The following MARK3 variants were observed in gnomAD, a reference collection of about 807,000 sequenced individuals.
The protein encoded by MARK3 is microtubule affinity regulating kinase 3.
MARK3 carries 46 observed loss-of-function variants against 90.1 expected under a neutral mutation model. That is an observed-to-expected ratio of 0.51 (90% CI 0.40 to 0.65). MARK3 has a LOEUF of 0.65. MARK3 is among the 30% of genes least tolerant of loss of function. The pLI, the probability that MARK3 is intolerant of heterozygous loss-of-function variation, is 0.00. For synonymous variants in MARK3, 321 were observed against 332.6 expected (o/e 0.97, Z 0.38); for missense variants, 818 against 947.2 (o/e 0.86, Z 1.79).
At chr14:103,474,044 A>T (rs576963813) in intron 12 of MARK3, among the ~76,000 whole-genome samples, 23 of 130,818 alleles carry the variant, frequency 1.8e-4, no homozygotes, top group African/African-American at 6.2e-4. Flanking sequence ...AAAAAAAAAA[A>T]ATATATACAA....
Position 103,462,300 on chromosome 14 carries a change from G to A in MARK3, c.484-105G>A, listed in dbSNP as rs1004291824. The A allele has an allele frequency of 4.6e-5, 32 of 701,422 alleles. No individual in the cohort carries two copies. In the Middle Eastern group the frequency reaches 1.2e-3, roughly 27 times the overall value. 43.4% of individuals were successfully genotyped at this position (701,422 alleles called of 1,614,324 possible). A position where few individuals can be genotyped will look rare whatever the true frequency, so the allele number is the denominator to read the frequency against. ...TTTTTAGAAATCCACACGGACATTC[G>A]AGCGTATACTGAGTATTCATTATGT... On this transcript the variant is annotated intron_variant, in intron 6 of 17. Coordinates refer to ENST00000429436, the MANE Select transcript of MARK3 (RefSeq NM_001128918.3).
At chr14:103,412,059 A>G in intron 2 of MARK3, 1 of 409,190 alleles carries the variant, frequency 2.4e-6, no homozygotes, top group Non-Finnish European at 4.1e-6. Context: ...TCATGGGATT[A>G]GTTGGTTTTT....
intron 3 of MARK3, among the ~76,000 whole-genome samples, 174 bp downstream of exon 3, chr14:103,428,614 T>C (rs1409490040): frequency 6.6e-6 from 1 of 152,212 alleles, no homozygotes; most frequent in Non-Finnish European, 1.5e-5. Context: ...GGGTTATCTT[T>C]GGTCGGAGAT....
Position 103,503,121 on chromosome 14 carries a change from A to G in MARK3, c.2156A>G (p.Lys719Arg). The G allele has an allele frequency of 6.2e-7, 1 of 1,614,226 alleles. No homozygotes were observed. Among genetic ancestry groups the G allele is most frequent in the Non-Finnish European group, 8.5e-7 (1 of 1,180,046 alleles). The change falls in exon 18 of 18, where the codon AAG (lysine) becomes AGG (arginine). Residue 719 changes from lysine (K) to arginine (R), a missense_variant. By Grantham distance (26) the Lys-to-Arg change is conservative. Transcript: ENST00000429436. ...GTGCAGTGGGAAATGGAAGTGTGCA[A>G]GCTGCCAAGACTGTCTCTGAACGGG... is the stretch of plus-strand genomic sequence containing the variant. ...NLVQWEMEVC[K>R]LPRLSLNGVR... is the part of the protein sequence containing the mutation.
chr14:103,404,633 G>A (rs976405276), intron 1 of MARK3, among the ~76,000 whole-genome samples: 4 of 152,070 alleles, frequency 2.6e-5, no homozygotes, highest in Non-Finnish European at 5.9e-5. Flanking sequence ...GAAGGAAATC[G>A]GGAATCCAGA....
intron 1 of MARK3, among the ~76,000 whole-genome samples, chr14:103,394,843 C>T (rs1331196719): frequency 6.6e-6 from 1 of 152,110 alleles, no homozygotes; most frequent in East Asian, 1.9e-4. Context: ...AGTGCAGTGG[C>T]ATGATCTTGG....
chr14:103,472,656 A>C (rs566519832), intron 12 of MARK3, among the ~76,000 whole-genome samples: 1 of 151,366 alleles, frequency 6.6e-6, no homozygotes, highest in African/African-American at 2.4e-5. Flanking sequence ...TCAAAAAAAA[A>C]AAAAAAAAAA....
At chr14:103,426,783 G>T (rs2092417103) in intron 2 of MARK3, among the ~76,000 whole-genome samples, 1 of 152,070 alleles carries the variant, frequency 6.6e-6, no homozygotes, top group Admixed American at 6.6e-5. Context: ...AACAAAGGCT[G>T]CTAGGTGACC....
At chr14:103,422,573 T>C (rs1222169888) in intron 2 of MARK3, among the ~76,000 whole-genome samples, 20 of 152,108 alleles carry the variant, frequency 1.3e-4, no homozygotes, top group Non-Finnish European at 2.8e-4. Context: ...GCAAAAAATA[T>C]ACTGTGACCC....
intron 2 of MARK3, among the ~76,000 whole-genome samples, chr14:103,419,473 C>T (rs2092113780): frequency 6.6e-6 from 1 of 152,062 alleles, no homozygotes; most frequent in Non-Finnish European, 1.5e-5. Context: ...TGAAAAACAA[C>T]TATTTTCCAA....
chr14:103,463,393 A>G (rs1242181390), intron 7 of MARK3, among the ~76,000 whole-genome samples: 1 of 152,086 alleles, frequency 6.6e-6, no homozygotes, highest in Non-Finnish European at 1.5e-5. Flanking sequence ...CCCCAAATCC[A>G]TTCCTACGGC....
Position 103,451,992 on chromosome 14 carries a change from A to C in MARK3, c.412+9A>C, listed in dbSNP as rs1566867976. Reference sequence around the variant, plus strand: ...GGAATATGCAAGTGGAGGTAAGAACATTTTTATATATATTGGGTTTTTTTT... The same window carrying C: ...GGAATATGCAAGTGGAGGTAAGAACCTTTTTATATATATTGGGTTTTTTTT... On this transcript the variant is annotated intron_variant, in intron 5 of 17. Coordinates refer to ENST00000429436, the MANE Select transcript of MARK3 (RefSeq NM_001128918.3). 6.3e-7 allele frequency: 1 copy of C among 1,582,454 alleles called. No homozygotes were observed. Among genetic ancestry groups the C allele is most frequent in the South Asian group, 1.1e-5 (1 of 89,406 alleles).
chr14:103,484,743 C>T (rs1006605382), intron 14 of MARK3, among the ~76,000 whole-genome samples: 3 of 136,522 alleles, frequency 2.2e-5, no homozygotes, highest in African/African-American at 8.2e-5. Flanking sequence ...CCATCCTGAC[C>T]AACATGGTGA....
At chr14:103,436,497 A>T (rs1296338795) in intron 3 of MARK3, among the ~76,000 whole-genome samples, 9 of 151,912 alleles carry the variant, frequency 5.9e-5, no homozygotes, top group Non-Finnish European at 2.9e-5. Flanking sequence ...CACTGTAAAA[A>T]TAGTTGTTAC....
chr14:103,414,308 C>T (rs1461690787), intron 2 of MARK3, among the ~76,000 whole-genome samples: 3 of 151,858 alleles, frequency 2.0e-5, no homozygotes, highest in African/African-American at 4.8e-5. Context: ...CAGGTTCAAG[C>T]GATTCCCCTG....
chr14:103,491,112 G>T, intron 14 of MARK3: 1 of 1,250,672 alleles, frequency 8.0e-7, no homozygotes, highest in Non-Finnish European at 1.0e-6. Context: ...GGCTATGTAA[G>T]AAAAATGCAC....
chr14:103,500,299 C>T, intron 17 of MARK3, 99 bp downstream of exon 17: 1 of 909,144 alleles, frequency 1.1e-6, no homozygotes, highest in Non-Finnish European at 1.7e-6. Context: ...TGTATTCCTG[C>T]TGTCTCTGTA....
chr14:103,435,121 T>C (rs60627181), intron 3 of MARK3, among the ~76,000 whole-genome samples: 1,571 of 152,352 alleles, frequency 0.01, 21 homozygotes, highest in African/African-American at 0.036. Context: ...TCATGTGGTC[T>C]GTCGTGTAAT....
intron 3 of MARK3, among the ~76,000 whole-genome samples, chr14:103,442,295 G>A (rs910791946): frequency 1.1e-4 from 17 of 151,920 alleles, no homozygotes; most frequent in African/African-American, 2.7e-4. Context: ...GTGTGAACCC[G>A]GGGGGCGGAG....
Sources: allele counts gnomAD v4.1 joint callset (sites outside exome capture counted in the v4.1 genomes callset), GRCh38; gene constraint gnomAD v4.1.1; transcripts MANE v1.5; gene names NCBI Gene and HGNC (gene_info 2026-07-23, HGNC 2026-07-21).